The following FRRS1L variants were observed in gnomAD, a reference collection of about 807,000 sequenced individuals.
FRRS1L encodes DOMON domain-containing protein FRRS1L.
FRRS1L carries 22 observed loss-of-function variants against 28.6 expected under a neutral mutation model. The ratio of observed to expected loss-of-function variants is 0.77; its 90% confidence interval spans 0.55 to 1.10. The LOEUF is 1.10. Ranked by LOEUF, FRRS1L falls within the 50% of genes least tolerant of loss-of-function variation. The pLI is 0.00. For missense variants in FRRS1L, 380 were observed against 386.9 expected, an observed-to-expected ratio of 0.98 and a Z score of 0.15; for synonymous variants, 158 against 151.4, an observed-to-expected ratio of 1.04 and a Z score of -0.32.
At position 109,137,372 on chromosome 9, in the gene FRRS1L, A is replaced by G; in HGVS notation, c.*83T>C. 1 of 883,504 alleles carries G rather than the reference A, an allele frequency of 1.1e-6. No individual in the cohort carries two copies. The highest frequency in any genetic ancestry group is 1.7e-5 in the African/African-American group (1 of 58,260). 54.7% of individuals were successfully genotyped at this position (883,504 alleles called of 1,614,324 possible). A position where few individuals can be genotyped will look rare whatever the true frequency, so the allele number is the denominator to read the frequency against. On this transcript the variant is annotated 3_prime_UTR_variant, in exon 5 of 5. Coordinates refer to ENST00000561981, the MANE Select transcript of FRRS1L (RefSeq NM_014334.4). The stretch of plus-strand genomic sequence containing the variant: ...TTTTTTTCTTAAATAATTGAAGCTA[A>G]AATTATACTGGATATTCTTTAAAAA...
chr9:109,154,784 T>C lies in FRRS1L; in HGVS notation c.239-5064A>G, dbSNP rs530034465. On this transcript the variant is annotated intron_variant, in intron 1 of 4. Transcript: ENST00000561981. Reference sequence around the variant, plus strand: ...AACAAAAAATGAACACTCTGACACATACGTCTTAGAAAAGCAATATTTTAC... The same window carrying C: ...AACAAAAAATGAACACTCTGACACACACGTCTTAGAAAAGCAATATTTTAC... Among the ~76,000 whole-genome samples, 26 of 152,282 alleles carry C rather than the reference T, an allele frequency of 1.7e-4. 1 individual carries two copies. In the South Asian group the frequency reaches 5.4e-3, roughly 32 times the overall value.
chr9:109,162,369 G>A (rs1029772014), intron 1 of FRRS1L, among the ~76,000 whole-genome samples: 13 of 152,180 alleles, frequency 8.5e-5, no homozygotes, highest in African/African-American at 3.1e-4. Flanking sequence ...CCTAGTGCAA[G>A]TCAACAGGGA....
chr9:109,143,011 C>T, intron 3 of FRRS1L, among the ~76,000 whole-genome samples: 1 of 151,448 alleles, frequency 6.6e-6, no homozygotes, highest in East Asian at 1.9e-4. Context: ...TTTTTCAAAA[C>T]AAGTTTAAAA....
Position 109,167,169 on chromosome 9 carries a change from T to C in FRRS1L, c.-31A>G, listed in dbSNP as rs1831566439. The C allele has an allele frequency of 8.7e-7, 1 of 1,147,104 alleles. No individual in the cohort carries two copies. Among genetic ancestry groups the C allele is most frequent in the Non-Finnish European group, 1.1e-6 (1 of 937,530 alleles). 71.1% of individuals were successfully genotyped at this position (1,147,104 alleles called of 1,614,324 possible). On this transcript the variant is annotated 5_prime_UTR_variant, in exon 1 of 5. Transcript: ENST00000561981. ...CGCACAGATCCCGCAGCCAGGCCGC[T>C]CGGGCCGCAGCGGGGGCGCCGCGGG...
chr9:109,163,068 C>T (rs1278817671), intron 1 of FRRS1L, among the ~76,000 whole-genome samples: 1 of 152,220 alleles, frequency 6.6e-6, no homozygotes, highest in East Asian at 1.9e-4. Context: ...CAAACCTGGC[C>T]ATCTTAGCAG....
chr9:109,157,558 T>A (rs947151864), intron 1 of FRRS1L, among the ~76,000 whole-genome samples: 2 of 152,102 alleles, frequency 1.3e-5, no homozygotes, highest in African/African-American at 4.8e-5. Flanking sequence ...GGCTAATTTT[T>A]AAATTTTTTT....
At chr9:109,149,992 C>CTTTTTTTTTTTTTTGAG in intron 1 of FRRS1L, 2 of 349,116 alleles carry the variant, frequency 5.7e-6, no homozygotes, top group Non-Finnish European at 1.1e-5. Context: ...GGCACAATTT[C>CTTTTTTTTTTTTTTGAG]ATATAACCAC....
Position 109,134,264 on chromosome 9 carries a change from G to A in FRRS1L, c.*3191C>T, listed in dbSNP as rs1444417834. The A allele has an allele frequency of 6.6e-6, 1 of 152,170 alleles. No individual in the cohort carries two copies. The highest frequency in any genetic ancestry group is 1.9e-4 in the East Asian group (1 of 5,200). The allele number at this position is 152,170 out of a possible 1,614,324, so 9.4% of individuals were successfully genotyped here. On this transcript the variant is annotated 3_prime_UTR_variant, in exon 5 of 5. Transcript: ENST00000561981. ...GGATAAATATCTGCTACAATGATGA[G>A]TAATGGTCTCTGCATTAGGGAGATA...
At chr9:109,146,234 A>G (rs1403340130) in intron 3 of FRRS1L, among the ~76,000 whole-genome samples, 1 of 152,130 alleles carries the variant, frequency 6.6e-6, no homozygotes, top group Non-Finnish European at 1.5e-5. Flanking sequence ...TTAAATAAAT[A>G]AATAAATAAA....
At chr9:109,166,232 G>A (rs1230956519) in intron 1 of FRRS1L, among the ~76,000 whole-genome samples, 1 of 152,156 alleles carries the variant, frequency 6.6e-6, no homozygotes, top group African/African-American at 2.4e-5. Flanking sequence ...CGTTGAAGCA[G>A]CTCTACAGGG....
At chr9:109,161,071 G>A (rs188708372) in intron 1 of FRRS1L, among the ~76,000 whole-genome samples, 127 of 151,990 alleles carry the variant, frequency 8.4e-4, no homozygotes, top group African/African-American at 2.0e-3. Context: ...ATTACAGGCC[G>A]CCTCACCCGG....
At chr9:109,165,431 T>C (rs1001169395) in intron 1 of FRRS1L, among the ~76,000 whole-genome samples, 1 of 152,262 alleles carries the variant, frequency 6.6e-6, no homozygotes, top group South Asian at 2.1e-4. Flanking sequence ...AGCAACAAGA[T>C]GGAAAGAACC....
intron 3 of FRRS1L, among the ~76,000 whole-genome samples, chr9:109,142,339 A>G (rs553879004): frequency 1.3e-5 from 2 of 152,316 alleles, no homozygotes; most frequent in East Asian, 1.9e-4. Context: ...CAGAGAATAA[A>G]GCATGTGTGG....
At chr9:109,148,240 A>T in intron 2 of FRRS1L, 1 of 152,202 alleles carries the variant, frequency 6.6e-6, no homozygotes, top group Non-Finnish European at 1.5e-5. Flanking sequence ...AAGTGCTGGG[A>T]TTACAGTCAA....
intron 1 of FRRS1L, among the ~76,000 whole-genome samples, chr9:109,156,103 C>T (rs1012087631): frequency 2.0e-5 from 3 of 152,220 alleles, no homozygotes; most frequent in Admixed American, 6.5e-5. Flanking sequence ...ATCTAGCCTC[C>T]GGATCAGGGG....
At chr9:109,164,037 CCT>C (rs1229747934) in intron 1 of FRRS1L, among the ~76,000 whole-genome samples, 1 of 152,170 alleles carries the variant, frequency 6.6e-6, no homozygotes, top group African/African-American at 2.4e-5. Context: ...GTTCTTCTTC[CCT>C]CTCTCTGGCA....
chr9:109,153,600 AAAT>A (rs1831364289), intron 1 of FRRS1L, among the ~76,000 whole-genome samples: 1 of 152,172 alleles, frequency 6.6e-6, no homozygotes, highest in Non-Finnish European at 1.5e-5. Context: ...ACATTCTAGC[AAAT>A]AATAGAAGCT....
rs1229118855 is a variant in FRRS1L, at chr9:109,132,351, A to C, written c.*5104T>G. On this transcript the variant is annotated 3_prime_UTR_variant, in exon 5 of 5. Coordinates refer to ENST00000561981, the MANE Select transcript of FRRS1L (RefSeq NM_014334.4). ...AAATCCTTACCATGAAGAGCAGTTCAGCGCAATGGTTGTCCATGATCACCA... is the reference window on the plus strand; with the variant it reads ...AAATCCTTACCATGAAGAGCAGTTCCGCGCAATGGTTGTCCATGATCACCA... The C allele has an allele frequency of 6.6e-6, 1 of 152,246 alleles. No individual in the cohort carries two copies. Among genetic ancestry groups the C allele is most frequent in the Non-Finnish European group, 1.5e-5 (1 of 68,050 alleles). 9.4% of individuals were successfully genotyped at this position (152,246 alleles called of 1,614,324 possible).
rs964177773 is a variant in FRRS1L at position 109,135,666 on chromosome 9, G to T, written c.*1789C>A. ...AGGTTTTGCCATGTTGGCCAGACTG[G>T]TCTCGAACTCCTGACCTCAGGTGAT... On this transcript the variant is annotated 3_prime_UTR_variant, in exon 5 of 5. Coordinates refer to ENST00000561981, the MANE Select transcript of FRRS1L (RefSeq NM_014334.4). 6.6e-6 allele frequency: 1 copy of T among 151,982 alleles called. No homozygotes were observed. Among genetic ancestry groups the T allele is most frequent in the Admixed American group, 6.6e-5 (1 of 15,260 alleles). The allele number at this position is 151,982 out of a possible 1,614,324, so 9.4% of individuals were successfully genotyped here.
Sources: allele counts gnomAD v4.1 joint callset (sites outside exome capture counted in the v4.1 genomes callset), GRCh38; gene constraint gnomAD v4.1.1; transcripts MANE v1.5; gene names NCBI Gene and HGNC (gene_info 2026-07-23, HGNC 2026-07-21).